Variants in TIAL1 observed in about 807,000 individuals in gnomAD.
TIAL1 encodes the protein TIA1 cytotoxic granule associated RNA binding protein like 1.
In TIAL1, 7 loss-of-function variants were observed where a neutral mutation model predicts 59.7. The observed-to-expected ratio is 0.12, with a 90% confidence interval of 0.07 to 0.22. TIAL1 has a LOEUF of 0.22. TIAL1 is among the 10% of genes least tolerant of loss of function. The pLI, the probability that TIAL1 is intolerant of heterozygous loss-of-function variation, is 1.00. For synonymous variants in TIAL1, 149 were observed against 146.3 expected, an observed-to-expected ratio of 1.02 and a Z score of -0.13; for missense variants, 225 against 462.5, an observed-to-expected ratio of 0.49 and a Z score of 4.71.
At chr10:119,594,976 G>A (rs1846085156) in intron 1 of TIAL1, among the ~76,000 whole-genome samples, 1 of 152,186 alleles carries the variant, frequency 6.6e-6, no homozygotes, top group African/African-American at 2.4e-5. Context: ...AGAGAAGGCA[G>A]AAATGGAAGA....
chr10:119,596,943 T>C lies in TIAL1; in HGVS notation c.-478A>G. 1 of 175,898 alleles carries C rather than the reference T, an allele frequency of 5.7e-6. No homozygotes were observed. The highest frequency in any genetic ancestry group is 1.2e-5 in the Non-Finnish European group (1 of 80,724). The allele number at this position is 175,898 out of a possible 1,614,324, so 10.9% of individuals were successfully genotyped here. A position where few individuals can be genotyped will look rare whatever the true frequency, so the allele number is the denominator to read the frequency against. ...TCTCTGGGAATTGTGGTCCTGGAAA[T>C]GAGAGAGGGAAGCACTTCTGCAGAG... is the stretch of plus-strand genomic sequence containing the variant. On this transcript the variant is annotated 5_prime_UTR_variant, in exon 1 of 12. Coordinates refer to ENST00000436547, the MANE Select transcript of TIAL1 (RefSeq NM_003252.4).
chr10:119,577,230 G>A (rs1218330854), intron 9 of TIAL1, 27 bp from the exon 10 acceptor site: 1 of 1,581,146 alleles, frequency 6.3e-7, no homozygotes, highest in East Asian at 2.2e-5. Flanking sequence ...ATATGGTTTT[G>A]TCTTTTATTT....
At position 119,575,728 on chromosome 10, in the gene TIAL1, A is replaced by G; in HGVS notation, c.1065T>C (p.Pro355=). ...GGTTAGGAGGAGGTATTACAGGGGG[A>G]GGAGCTTGTCCTTGGGGAGGCTGAG... ...FGAQPPQGQA[P]PPVIPPPNQA... is the part of the protein sequence containing the mutation. The change falls in exon 12 of 12, where the codon CCT becomes CCC. Residue 355 remains proline (P), a synonymous_variant. Coordinates refer to ENST00000436547, the MANE Select transcript of TIAL1 (RefSeq NM_003252.4). The G allele has an allele frequency of 6.2e-7, 1 of 1,610,658 alleles. No homozygotes were observed. Among genetic ancestry groups the G allele is most frequent in the Non-Finnish European group, 8.5e-7 (1 of 1,178,544 alleles).
intron 10 of TIAL1, 103 bp downstream of exon 10, chr10:119,576,976 GT>G (rs1845023690): frequency 1.4e-6 from 2 of 1,438,510 alleles, no homozygotes; most frequent in African/African-American, 2.9e-5. Context: ...TCAACTGAAA[GT>G]AGCTATATGC....
intron 1 of TIAL1, among the ~76,000 whole-genome samples, chr10:119,596,049 T>C (rs1315896423): frequency 3.0e-4 from 32 of 107,908 alleles, no homozygotes; most frequent in African/African-American, 1.0e-3. Flanking sequence ...CCCCCAATCC[T>C]ACCCCCGCCA....
intron 1 of TIAL1, among the ~76,000 whole-genome samples, chr10:119,589,123 C>CAA (rs1845721721): frequency 6.6e-6 from 1 of 152,228 alleles, no homozygotes; most frequent in African/African-American, 2.4e-5. Context: ...AGGTTGTTTG[C>CAA]AATGATGTCT....
rs913271065 is a variant in TIAL1 at position 119,574,596 on chromosome 10, A to AC, written c.*1068_*1069insG. 7 of 150,576 alleles carry AC rather than the reference A, an allele frequency of 4.6e-5. No homozygotes were observed. The South Asian group carries it at 8.4e-4, about 18-fold the overall frequency. The allele number at this position is 150,576 out of a possible 1,614,324, so 9.3% of individuals were successfully genotyped here. A position where few individuals can be genotyped will look rare whatever the true frequency, so the allele number is the denominator to read the frequency against. ...CCAAGTAATGTAAAGCAAAAAAAAA[A>AC]AAAAAAAAAAACAAAAACAAAAAAC... On this transcript the variant is annotated 3_prime_UTR_variant, in exon 12 of 12. Transcript: ENST00000436547.
intron 1 of TIAL1, among the ~76,000 whole-genome samples, chr10:119,592,590 T>C (rs560022644): frequency 6.6e-6 from 1 of 152,340 alleles, no homozygotes; most frequent in South Asian, 2.1e-4. Flanking sequence ...ATAGTTTTGC[T>C]TTTGTTCTTG....
chr10:119,589,045 C>A (rs1036520851), intron 1 of TIAL1, among the ~76,000 whole-genome samples: 1 of 152,024 alleles, frequency 6.6e-6, no homozygotes, highest in Non-Finnish European at 1.5e-5. Flanking sequence ...GAACAAAGAA[C>A]AGAATTAAAG....
At chr10:119,591,427 T>C (rs1454666795) in intron 1 of TIAL1, among the ~76,000 whole-genome samples, 1 of 151,930 alleles carries the variant, frequency 6.6e-6, no homozygotes, top group Non-Finnish European at 1.5e-5. Context: ...AAAAAATCTT[T>C]ATTCTAAGTC....
At position 119,577,553 on chromosome 10, in the gene TIAL1, CAAAT is replaced by C; in HGVS notation, c.653-22_653-19del. 6 of 1,610,966 alleles carry C rather than the reference CAAAT, an allele frequency of 3.7e-6. No individual in the cohort carries two copies. Among genetic ancestry groups the C allele is most frequent in the Non-Finnish European group, 5.1e-6 (6 of 1,177,374 alleles). On this transcript the variant is annotated intron_variant, in intron 8 of 11. Coordinates refer to ENST00000436547, the MANE Select transcript of TIAL1 (RefSeq NM_003252.4). ...AAGCTGATCTATAAAACAAAACATA[CAAAT>C]AAAACATGGCTGATGTGTATCATGA...
rs779714114 is a variant in TIAL1, at chr10:119,575,626, A to G, written c.*39T>C. ...TCTTCAGAGTGTCACAGGAAATCGAAGCCTATCATGAATTACAATTTTTTT... is the reference window on the plus strand; with the variant it reads ...TCTTCAGAGTGTCACAGGAAATCGAGGCCTATCATGAATTACAATTTTTTT... On this transcript the variant is annotated 3_prime_UTR_variant, in exon 12 of 12. Coordinates refer to ENST00000436547, the MANE Select transcript of TIAL1 (RefSeq NM_003252.4). 3.7e-6 allele frequency: 6 copies of G among 1,611,238 alleles called. No individual in the cohort carries two copies. In the East Asian group the frequency reaches 1.3e-4, roughly 36 times the overall value.
chr10:119,584,164 T>C (rs1845430628), intron 2 of TIAL1, among the ~76,000 whole-genome samples: 1 of 151,390 alleles, frequency 6.6e-6, no homozygotes, highest in Non-Finnish European at 1.5e-5. Flanking sequence ...TCCCAATCAA[T>C]GTATGCACGT....
At chr10:119,580,764 G>T in intron 5 of TIAL1, 1 of 1,080,316 alleles carries the variant, frequency 9.3e-7, no homozygotes, top group South Asian at 2.5e-5. Context: ...ATAGAAATGA[G>T]AAAAAAAATC....
At position 119,574,457 on chromosome 10, in the gene TIAL1, A is replaced by C. The variant is rs1404348584; in HGVS notation, c.*1208T>G. 6.6e-6 allele frequency: 1 copy of C among 152,510 alleles called. No homozygotes were observed. Among genetic ancestry groups the C allele is most frequent in the Non-Finnish European group, 1.5e-5 (1 of 68,006 alleles). 9.4% of individuals were successfully genotyped at this position (152,510 alleles called of 1,614,324 possible). A position where few individuals can be genotyped will look rare whatever the true frequency, so the allele number is the denominator to read the frequency against. On this transcript the variant is annotated 3_prime_UTR_variant, in exon 12 of 12. Transcript: ENST00000436547. ...AATCTTGTTAAAAAAATTCTTGGGCAAAATATATCTTAATTTTTAAAAACA... is the reference window on the plus strand; with the variant it reads ...AATCTTGTTAAAAAAATTCTTGGGCCAAATATATCTTAATTTTTAAAAACA...
chr10:119,573,875 T>A lies in TIAL1; in HGVS notation c.*1790A>T, dbSNP rs1844821744. On this transcript the variant is annotated 3_prime_UTR_variant, in exon 12 of 12. Coordinates refer to ENST00000436547, the MANE Select transcript of TIAL1 (RefSeq NM_003252.4). ...GCTATGAATTTCAGACCCTATGAATTTTTATGTTGAATACATTTGGCTATA... is the reference window on the plus strand; with the variant it reads ...GCTATGAATTTCAGACCCTATGAATATTTATGTTGAATACATTTGGCTATA... 6.6e-6 allele frequency: 1 copy of A among 152,218 alleles called. No individual in the cohort carries two copies. Among genetic ancestry groups the A allele is most frequent in the African/African-American group, 2.4e-5 (1 of 41,442 alleles). The allele number at this position is 152,218 out of a possible 1,614,324, so 9.4% of individuals were successfully genotyped here. A position where few individuals can be genotyped will look rare whatever the true frequency, so the allele number is the denominator to read the frequency against.
chr10:119,588,326 C>A, intron 1 of TIAL1, 78 bp from the exon 2 acceptor site: 1 of 745,678 alleles, frequency 1.3e-6, no homozygotes, highest in South Asian at 2.6e-5. Context: ...AATTCATCAC[C>A]TTTTCTTTCT....
intron 5 of TIAL1, chr10:119,580,933 A>G (rs1845271591): frequency 4.8e-6 from 3 of 624,388 alleles, no homozygotes; most frequent in Non-Finnish European, 6.7e-6. Context: ...AAAGATTGAA[A>G]AACAGCAACC....
At chr10:119,593,854 GT>G (rs974911461) in intron 1 of TIAL1, among the ~76,000 whole-genome samples, 6 of 152,146 alleles carry the variant, frequency 3.9e-5, no homozygotes, top group South Asian at 2.1e-4. Context: ...ACATTTGAAG[GT>G]TTTAAAAAAT....
Sources: allele counts gnomAD v4.1 joint callset (sites outside exome capture counted in the v4.1 genomes callset), GRCh38; gene constraint gnomAD v4.1.1; transcripts MANE v1.5; gene names NCBI Gene and HGNC (gene_info 2026-07-23, HGNC 2026-07-21).